Variants in FHOD3 observed in about 807,000 individuals in gnomAD.
FHOD3 encodes FH1/FH2 domain-containing protein 3.
A neutral mutation model predicts 173.0 loss-of-function variants in FHOD3; 90 were observed. That is an observed-to-expected ratio of 0.52 (90% confidence interval 0.44 to 0.62). The LOEUF (loss-of-function observed/expected upper bound fraction) is 0.62, where lower values mean the gene tolerates loss of function less well. FHOD3 is among the 20% of genes least tolerant of loss of function. FHOD3 has a pLI of 0.00. For missense variants in FHOD3, 1,945 were observed against 2,034.7 expected, an observed-to-expected ratio of 0.96 and a Z score of 0.85; for synonymous variants, 828 against 823.0, an observed-to-expected ratio of 1.01 and a Z score of -0.10.
intron 18 of FHOD3, 147 bp downstream of exon 18, chr18:36,709,538 C>A: frequency 1.1e-6 from 1 of 901,504 alleles, no homozygotes; most frequent in Non-Finnish European, 1.6e-6. Context: ...TGTCTGGGGA[C>A]AAGGAGTGTG....
chr18:36,491,980 A>C (rs1157057145), intron 3 of FHOD3, among the ~76,000 whole-genome samples: 2 of 152,188 alleles, frequency 1.3e-5, no homozygotes, highest in African/African-American at 4.8e-5. Flanking sequence ...TAAACATGGT[A>C]GAGTAGGGCT....
At chr18:36,387,139 C>G (rs2048073227) in intron 3 of FHOD3, among the ~76,000 whole-genome samples, 1 of 152,170 alleles carries the variant, frequency 6.6e-6, no homozygotes, top group South Asian at 2.1e-4. Context: ...GTCAGGGGCC[C>G]AGACTGTGGG....
intron 3 of FHOD3, among the ~76,000 whole-genome samples, chr18:36,442,279 G>A (rs994493380): frequency 6.6e-6 from 1 of 152,078 alleles, no homozygotes; most frequent in Non-Finnish European, 1.5e-5. Context: ...GCTAGCAGTT[G>A]ATTTTTTTTT....
chr18:36,305,678 T>C (rs1241018978), intron 1 of FHOD3, among the ~76,000 whole-genome samples: 1 of 152,090 alleles, frequency 6.6e-6, no homozygotes, highest in Non-Finnish European at 1.5e-5. Flanking sequence ...AGCAAATGAA[T>C]TGATGGGCAA....
chr18:36,425,266 A>G (rs2050179487), intron 3 of FHOD3, among the ~76,000 whole-genome samples: 1 of 152,356 alleles, frequency 6.6e-6, no homozygotes, highest in Non-Finnish European at 1.5e-5. Context: ...ATGCATGTAT[A>G]CAAAAAATAT....
chr18:36,307,472 G>A (rs191114609), intron 1 of FHOD3, among the ~76,000 whole-genome samples: 159 of 152,306 alleles, frequency 1.0e-3, no homozygotes, highest in Non-Finnish European at 1.9e-3. Flanking sequence ...TAGTGTCTAC[G>A]GGGGCTGCTG....
intron 1 of FHOD3, among the ~76,000 whole-genome samples, chr18:36,303,161 G>A (rs978064667): frequency 3.3e-5 from 5 of 152,212 alleles, no homozygotes; most frequent in Admixed American, 3.3e-4. Flanking sequence ...ACTCTAGCAG[G>A]CAGGCAGATG....
chr18:36,599,419 G>C (rs80294880), intron 7 of FHOD3, among the ~76,000 whole-genome samples: 2,125 of 152,306 alleles, frequency 0.014, 50 homozygotes, highest in African/African-American at 0.049. Context: ...TCTACTTTCT[G>C]CTTAAGAGTA....
intron 23 of FHOD3, among the ~76,000 whole-genome samples, chr18:36,746,249 C>T (rs1010493138): frequency 2.0e-5 from 3 of 152,218 alleles, no homozygotes; most frequent in Admixed American, 2.0e-4. Flanking sequence ...AACCCTCACC[C>T]ACACACAGGC....
chr18:36,462,671 A>G (rs1266065083), intron 3 of FHOD3, among the ~76,000 whole-genome samples: 1 of 152,158 alleles, frequency 6.6e-6, no homozygotes, highest in African/African-American at 2.4e-5. Flanking sequence ...CAGTGGTGCA[A>G]TCATAGCTTT....
chr18:36,460,146 T>G (rs1447077252), intron 3 of FHOD3, among the ~76,000 whole-genome samples: 1 of 152,186 alleles, frequency 6.6e-6, no homozygotes, highest in African/African-American at 2.4e-5. Context: ...TACGACTTGA[T>G]GTTAACCTTA....
intron 20 of FHOD3, among the ~76,000 whole-genome samples, chr18:36,736,241 C>A (rs4346268): frequency 0.38 from 57,466 of 152,124 alleles, 11,455 homozygotes; most frequent in African/African-American, 0.52. Context: ...CAACCCCTGA[C>A]ACCCCACAGG....
chr18:36,726,675 TTTC>T (rs2041088940), intron 19 of FHOD3, among the ~76,000 whole-genome samples: 1 of 152,162 alleles, frequency 6.6e-6, no homozygotes, highest in South Asian at 2.1e-4. Flanking sequence ...GCCTCTTTTT[TTTC>T]TTTTCTTTTT....
intron 3 of FHOD3, among the ~76,000 whole-genome samples, chr18:36,488,186 G>A (rs79204075): frequency 0.02 from 3,112 of 152,328 alleles, 114 homozygotes; most frequent in East Asian, 0.12. Flanking sequence ...GTTGGGGCAG[G>A]TGAACTGCTG....
intron 5 of FHOD3, among the ~76,000 whole-genome samples, chr18:36,570,788 A>G (rs1293055053): frequency 6.6e-6 from 1 of 152,174 alleles, no homozygotes; most frequent in Non-Finnish European, 1.5e-5. Flanking sequence ...CAGTTGATGT[A>G]GAAGAAGCAT....
At position 36,457,757 on chromosome 18, in the gene FHOD3, C is replaced by G. The variant is rs1311041171; in HGVS notation, c.338-44175C>G. On this transcript the variant is annotated intron_variant, in intron 3 of 28. Transcript: ENST00000590592. ...TTTCTTGATTTCTCTGAGAGAGATC[C>G]CCAGAGCTTAGTAGAGTTCACTTAG... 2.0e-5 allele frequency among the ~76,000 whole-genome samples: 3 copies of G among 152,092 alleles called. No homozygotes were observed. The East Asian group carries it at 5.8e-4, about 29-fold the overall frequency.
chr18:36,377,572 T>G (rs966057825), intron 3 of FHOD3, among the ~76,000 whole-genome samples: 12 of 152,210 alleles, frequency 7.9e-5, no homozygotes, highest in Non-Finnish European at 1.6e-4. Flanking sequence ...GAGTGCTGTT[T>G]CTGTGCTAGC....
intron 4 of FHOD3, among the ~76,000 whole-genome samples, chr18:36,502,492 T>C (rs141438989): frequency 6.6e-6 from 1 of 152,264 alleles, no homozygotes; most frequent in Non-Finnish European, 1.5e-5. Flanking sequence ...AGTGAGAACA[T>C]GTGGTGTTTG....
intron 8 of FHOD3, among the ~76,000 whole-genome samples, chr18:36,605,138 A>G (rs1291440146): frequency 1.3e-5 from 2 of 152,256 alleles, no homozygotes; most frequent in South Asian, 2.1e-4. Context: ...TTACCATTTG[A>G]TTTGAAGCAA....
Sources: gnomAD v4.1 joint callset for allele counts (sites outside exome capture counted in the v4.1 genomes callset) on GRCh38, gnomAD v4.1.1 for gene constraint, MANE v1.5 for transcripts, NCBI Gene and HGNC (gene_info 2026-07-23, HGNC 2026-07-21) for gene names.